ATP8A2: variants seen among roughly 807,000 people sequenced by gnomAD.
ATP8A2 encodes the protein ATPase phospholipid transporting 8A2, also known as phospholipid-transporting ATPase IB.
In ATP8A2, 100 loss-of-function variants were observed where a neutral mutation model predicts 165.6. That is an observed-to-expected ratio of 0.60 (90% CI 0.51 to 0.71). ATP8A2 has a LOEUF of 0.71. Among genes scored for constraint, ATP8A2 ranks in the 30% least tolerant of loss-of-function variants. ATP8A2 has a pLI of 0.00. For missense variants in ATP8A2, 1,227 were observed against 1,479.5 expected (o/e 0.83, Z 2.80); for synonymous variants, 543 against 548.8 (o/e 0.99, Z 0.15).
intron 7 of ATP8A2, among the ~76,000 whole-genome samples, chr13:25,539,652 A>ATTTTTACCTTAACTAGTGGT (rs1246759339): frequency 6.6e-6 from 1 of 152,112 alleles, no homozygotes; most frequent in African/African-American, 2.4e-5. Flanking sequence ...GTGCTAGGGG[A>ATTTTTACCTTAACTAGTGGT]TTTTTACCTT....
intron 2 of ATP8A2, among the ~76,000 whole-genome samples, chr13:25,525,107 A>T (rs950462556): frequency 6.6e-6 from 1 of 152,076 alleles, no homozygotes; most frequent in East Asian, 1.9e-4. Flanking sequence ...TGTAGATATA[A>T]CAAGTTATTT....
intron 25 of ATP8A2, among the ~76,000 whole-genome samples, chr13:25,746,098 T>G (rs1400344790): frequency 6.6e-6 from 1 of 152,346 alleles, no homozygotes; most frequent in Non-Finnish European, 1.5e-5. Context: ...ATAATACTTT[T>G]CAGAAAAGTC....
chr13:25,937,198 C>T (rs1954915647), intron 33 of ATP8A2, among the ~76,000 whole-genome samples: 1 of 151,928 alleles, frequency 6.6e-6, no homozygotes, highest in South Asian at 2.1e-4. Flanking sequence ...ATGTCATTGA[C>T]ATTAAATGCC....
At chr13:25,623,747 A>ATG (rs919548783) in intron 24 of ATP8A2, among the ~76,000 whole-genome samples, 19 of 151,878 alleles carry the variant, frequency 1.3e-4, no homozygotes, top group Non-Finnish European at 2.1e-4. Flanking sequence ...TTATAGAAAT[A>ATG]TGTGTGTGTG....
chr13:25,632,489 T>G (rs764423184), intron 24 of ATP8A2, among the ~76,000 whole-genome samples: 5 of 152,174 alleles, frequency 3.3e-5, no homozygotes, highest in Non-Finnish European at 5.9e-5. Context: ...ACTCTTGAGA[T>G]TCCAAAGGTG....
chr13:26,024,344 T>G lies in ATP8A2; in HGVS notation c.*4359T>G, dbSNP rs1957127490. On this transcript the variant is annotated 3_prime_UTR_variant, in exon 37 of 37. Transcript: ENST00000381655. ...ATTTTTTTTTCTCAGCATCCCAAGTTGTCCATCAGTACATTCCCCTTCACC... is the reference window on the plus strand; with the variant it reads ...ATTTTTTTTTCTCAGCATCCCAAGTGGTCCATCAGTACATTCCCCTTCACC... The G allele has an allele frequency of 6.6e-6, 1 of 152,246 alleles. No individual in the cohort carries two copies. Among genetic ancestry groups the G allele is most frequent in the African/African-American group, 2.4e-5 (1 of 41,452 alleles). 9.4% of individuals were successfully genotyped at this position (152,246 alleles called of 1,614,324 possible).
intron 33 of ATP8A2, chr13:25,880,905 C>T: frequency 2.2e-6 from 1 of 456,006 alleles, no homozygotes; most frequent in Non-Finnish European, 4.4e-6. Flanking sequence ...AATCTTTCCT[C>T]AGAAAAATTC....
At chr13:25,761,627 A>T (rs976889060) in intron 25 of ATP8A2, among the ~76,000 whole-genome samples, 1 of 146,874 alleles carries the variant, frequency 6.8e-6, no homozygotes, top group Non-Finnish European at 1.5e-5. Flanking sequence ...AAGTATATGT[A>T]TATAAAATAT....
intron 2 of ATP8A2, among the ~76,000 whole-genome samples, chr13:25,510,660 G>A (rs936664726): frequency 2.0e-5 from 3 of 152,116 alleles, no homozygotes; most frequent in Admixed American, 6.5e-5. Flanking sequence ...GTCAATTGCC[G>A]CTGGCAAAAG....
intron 24 of ATP8A2, among the ~76,000 whole-genome samples, chr13:25,630,391 A>C (rs1286586876): frequency 1.3e-5 from 2 of 152,204 alleles, no homozygotes; most frequent in Admixed American, 1.3e-4. Context: ...TAATCAGTTG[A>C]GACTGAGCCC....
At chr13:26,010,296 T>C (rs971511371) in intron 35 of ATP8A2, among the ~76,000 whole-genome samples, 3 of 152,174 alleles carry the variant, frequency 2.0e-5, no homozygotes, top group Non-Finnish European at 4.4e-5. Context: ...TGTGACATTC[T>C]CATAAGCCCC....
intron 36 of ATP8A2, among the ~76,000 whole-genome samples, chr13:26,015,931 A>G (rs940899028): frequency 1.3e-5 from 2 of 152,246 alleles, no homozygotes; most frequent in African/African-American, 4.8e-5. Context: ...CATTAGGCAG[A>G]GCTGGGGAGC....
chr13:25,450,003 CAGT>C (rs913570104), intron 1 of ATP8A2, among the ~76,000 whole-genome samples: 23 of 152,100 alleles, frequency 1.5e-4, no homozygotes, highest in African/African-American at 4.3e-4. Flanking sequence ...CTAAAGTCCC[CAGT>C]GTGTGCTGTT....
intron 27 of ATP8A2, among the ~76,000 whole-genome samples, chr13:25,812,219 A>C (rs1950893339): frequency 1.3e-5 from 2 of 150,696 alleles, no homozygotes; most frequent in South Asian, 4.2e-4. Context: ...TGCATCCCAC[A>C]TTTGTTTAAT....
At chr13:25,728,667 A>C (rs1317860238) in intron 25 of ATP8A2, among the ~76,000 whole-genome samples, 1 of 152,102 alleles carries the variant, frequency 6.6e-6, no homozygotes, top group African/African-American at 2.4e-5. Flanking sequence ...GTGCAAGTGA[A>C]ACACCCCAGG....
rs1268494405 is a variant in ATP8A2 at position 25,551,474 on chromosome 13, G to T, written c.1028G>T (p.Gly343Val). The T allele has an allele frequency of 6.2e-7, 1 of 1,612,532 alleles. No homozygotes were observed. The highest frequency in any genetic ancestry group is 8.5e-7 in the Non-Finnish European group (1 of 1,179,010). The change falls in exon 11 of 37, where the codon GGT (glycine) becomes GTT (valine). Residue 343 changes from glycine to valine, a missense_variant. Physicochemically the swap from Gly to Val is moderately radical, Grantham distance 109. Coordinates refer to ENST00000381655, the MANE Select transcript of ATP8A2 (RefSeq NM_016529.6). ...AGALYWNRSH[G>V]EKNWYIKKMD... is the part of the protein sequence containing the mutation. ...GCCCTGTACTGGAACAGGTCTCATG[G>T]TGAAAAGAACTGGTACATCAAGAAG... is the stretch of plus-strand genomic sequence containing the variant.
At chr13:25,655,018 T>C (rs2041896812) in intron 24 of ATP8A2, among the ~76,000 whole-genome samples, 1 of 152,186 alleles carries the variant, frequency 6.6e-6, no homozygotes, top group East Asian at 1.9e-4. Flanking sequence ...AATCTCTTAG[T>C]GAGACTAAGT....
At chr13:25,563,935 T>G in intron 15 of ATP8A2, 21 bp from the exon 16 acceptor site, 1 of 1,576,624 alleles carries the variant, frequency 6.3e-7, no homozygotes, top group South Asian at 1.1e-5. Flanking sequence ...TTGAATAAAT[T>G]TTCTCTGTTC....
intron 34 of ATP8A2, among the ~76,000 whole-genome samples, chr13:25,965,576 A>T (rs1242810091): frequency 1.3e-5 from 2 of 152,210 alleles, no homozygotes; most frequent in African/African-American, 4.8e-5. Context: ...ATTGCCCAGA[A>T]CTATTTTAAT....
Sources: allele counts gnomAD v4.1 joint callset (sites outside exome capture counted in the v4.1 genomes callset), GRCh38; gene constraint gnomAD v4.1.1; transcripts MANE v1.5; gene names NCBI Gene and HGNC (gene_info 2026-07-23, HGNC 2026-07-21).